Variants in PCDHA11 observed in about 807,000 individuals in gnomAD.
The protein encoded by PCDHA11 is protocadherin alpha 11.
A neutral mutation model predicts 70.3 loss-of-function variants in PCDHA11; 61 were observed. The observed-to-expected ratio is 0.87, with a 90% confidence interval of 0.71 to 1.07. The LOEUF (loss-of-function observed/expected upper bound fraction) is 1.07, where lower values mean the gene tolerates loss of function less well. PCDHA11 is among the 50% of genes least tolerant of loss of function. PCDHA11 has a pLI of 0.00. For missense variants in PCDHA11, 1,324 were observed against 1,237.5 expected, an observed-to-expected ratio of 1.07 and a Z score of -1.05; for synonymous variants, 633 against 555.1, an observed-to-expected ratio of 1.14 and a Z score of -1.97.
At chr5:141,001,997 CA>C (rs1587968703) in intron 3 of PCDHA11, among the ~76,000 whole-genome samples, 1 of 152,190 alleles carries the variant, frequency 6.6e-6, no homozygotes, top group Admixed American at 6.5e-5. Flanking sequence ...AGTTCACTTG[CA>C]AACACAGAAT....
At chr5:140,878,933 A>G (rs2057778648) in intron 1 of PCDHA11, among the ~76,000 whole-genome samples, 2 of 152,224 alleles carry the variant, frequency 1.3e-5, no homozygotes, top group Admixed American at 1.3e-4. Context: ...AATAATTTTA[A>G]ATAAATATAT....
intron 1 of PCDHA11, among the ~76,000 whole-genome samples, chr5:140,937,729 G>A (rs1471512736): frequency 1.3e-5 from 2 of 151,886 alleles, no homozygotes; most frequent in African/African-American, 4.8e-5. Context: ...TGGCTAACAC[G>A]GTGAAACCCC....
At chr5:140,968,563 T>G in intron 1 of PCDHA11, 1 of 1,614,204 alleles carries the variant, frequency 6.2e-7, no homozygotes, top group South Asian at 1.1e-5. Context: ...GAACTGCCCC[T>G]GCTGGCTACC....
intron 1 of PCDHA11, among the ~76,000 whole-genome samples, chr5:140,947,661 T>C (rs2094159982): frequency 6.6e-6 from 1 of 151,672 alleles, no homozygotes; most frequent in South Asian, 2.1e-4. Context: ...CTCCATTTAC[T>C]TGGGTCTTTA....
At chr5:140,898,430 C>G (rs2153460461) in intron 1 of PCDHA11, among the ~76,000 whole-genome samples, 1 of 152,270 alleles carries the variant, frequency 6.6e-6, no homozygotes, top group East Asian at 1.9e-4. Flanking sequence ...TTCCCAGCAC[C>G]ATTTATTAAA....
chr5:140,998,107 A>G (rs138517610), intron 3 of PCDHA11, among the ~76,000 whole-genome samples: 1 of 152,328 alleles, frequency 6.6e-6, no homozygotes, highest in Non-Finnish European at 1.5e-5. Flanking sequence ...AACAGAGGAG[A>G]AAATTTACTT....
chr5:140,910,171 T>C (rs186096076), intron 1 of PCDHA11, among the ~76,000 whole-genome samples: 22 of 152,340 alleles, frequency 1.4e-4, no homozygotes, highest in Admixed American at 1.2e-3. Flanking sequence ...TGATCCTCTG[T>C]TTTTATAATT....
intron 1 of PCDHA11, chr5:140,883,644 A>C (rs2059725253): frequency 1.2e-6 from 2 of 1,613,018 alleles, no homozygotes; most frequent in Non-Finnish European, 1.7e-6. Flanking sequence ...GCGCAGCCCG[A>C]GTACACGGTG....
At chr5:140,900,206 C>A (rs1286660558) in intron 1 of PCDHA11, among the ~76,000 whole-genome samples, 1 of 152,172 alleles carries the variant, frequency 6.6e-6, no homozygotes, top group Non-Finnish European at 1.5e-5. Flanking sequence ...CCAGTTTCAT[C>A]CAGGTTGTTG....
At chr5:140,925,072 G>A (rs921580794) in intron 1 of PCDHA11, among the ~76,000 whole-genome samples, 10 of 149,184 alleles carry the variant, frequency 6.7e-5, no homozygotes, top group Admixed American at 2.0e-4. Flanking sequence ...AAAGCAACAC[G>A]CTCATCTGGA....
At chr5:141,001,279 G>A (rs1317213469) in intron 3 of PCDHA11, among the ~76,000 whole-genome samples, 1 of 151,942 alleles carries the variant, frequency 6.6e-6, no homozygotes, top group African/African-American at 2.4e-5. Context: ...CTTTTTTTAC[G>A]GATGAAAACT....
At chr5:140,997,762 A>G (rs2097784598) in intron 3 of PCDHA11, among the ~76,000 whole-genome samples, 1 of 152,118 alleles carries the variant, frequency 6.6e-6, no homozygotes, top group Non-Finnish European at 1.5e-5. Context: ...GAGTAAGGAT[A>G]TAGCACTATG....
rs572205670 is a variant in PCDHA11 at position 140,933,229 on chromosome 5, G to A, written c.2392-45720G>A. ...TACATGTCTGTTATATTGCATTTAT[G>A]AAAAAGAAAGGACTATAAACACAAA... On this transcript the variant is annotated intron_variant, in intron 1 of 3. Coordinates refer to ENST00000398640, the MANE Select transcript of PCDHA11 (RefSeq NM_018902.5). Among the ~76,000 whole-genome samples, 114 of 151,958 alleles carry A rather than the reference G, an allele frequency of 7.5e-4. 1 individual carries two copies. The highest frequency in any genetic ancestry group is 1.5e-3 in the Non-Finnish European group (99 of 67,810).
intron 1 of PCDHA11, among the ~76,000 whole-genome samples, chr5:140,892,670 A>G (rs35160890): frequency 0.3 from 45,256 of 152,112 alleles, 7,290 homozygotes; most frequent in East Asian, 0.53. Context: ...ATTTTGATAC[A>G]TATATACAAT....
At position 140,871,011 on chromosome 5, in the gene PCDHA11, G is replaced by C; in HGVS notation, c.1908G>C (p.Leu636=). ...GCGAGATAAGCACAACGCGTGCCCT[G>C]GACGAGGCAGACTCGCCGCGCCACC... The part of the protein sequence containing the change: ...YTGEISTTRA[L]DEADSPRHRL... Residue 636 remains leucine, a synonymous_variant, in exon 1 of 4, where the codon CTG becomes CTC. Transcript: ENST00000398640. 6.2e-7 allele frequency: 1 copy of C among 1,613,324 alleles called. No homozygotes were observed. The highest frequency in any genetic ancestry group is 8.5e-7 in the Non-Finnish European group (1 of 1,179,856).
rs371577720 is a variant in PCDHA11 at position 140,877,172 on chromosome 5, C to G, written c.2391+5678C>G. 239 of 1,613,700 alleles carry G rather than the reference C, an allele frequency of 1.5e-4. No homozygotes were observed. Among genetic ancestry groups the G allele is most frequent in the Non-Finnish European group, 1.9e-4 (229 of 1,179,846 alleles). On this transcript the variant is annotated intron_variant, in intron 1 of 3. Transcript: ENST00000398640. ...AACGACAACGCGCCGGCACTGCTGG[C>G]GACTCCGGCTGGCAGCGCAGGAGGC...
intron 1 of PCDHA11, chr5:140,927,108 C>A (rs782811125): frequency 6.2e-7 from 1 of 1,613,646 alleles, no homozygotes; most frequent in Non-Finnish European, 8.5e-7. Context: ...ATCTACCCAG[C>A]GGCAATTTGG....
At chr5:141,002,097 G>A (rs782083569) in intron 3 of PCDHA11, among the ~76,000 whole-genome samples, 3 of 152,230 alleles carry the variant, frequency 2.0e-5, no homozygotes, top group Non-Finnish European at 4.4e-5. Flanking sequence ...TCCAGGGGCT[G>A]GGCCGGAAAC....
At chr5:140,963,556 T>A (rs891498931) in intron 1 of PCDHA11, among the ~76,000 whole-genome samples, 28 of 152,238 alleles carry the variant, frequency 1.8e-4, no homozygotes, top group Non-Finnish European at 3.4e-4. Context: ...AAAAAGGGGC[T>A]GTTTTCTGGT....
Sources: gnomAD v4.1 joint callset for allele counts (sites outside exome capture counted in the v4.1 genomes callset) on GRCh38, gnomAD v4.1.1 for gene constraint, MANE v1.5 for transcripts, NCBI Gene and HGNC (gene_info 2026-07-23, HGNC 2026-07-21) for gene names.